BIRC6: variants seen among roughly 807,000 people sequenced by gnomAD.
BIRC6 encodes the protein dual E2 ubiquitin-conjugating enzyme/E3 ubiquitin-protein ligase BIRC6.
BIRC6 carries 98 observed loss-of-function variants against 503.3 expected under a neutral mutation model. The ratio of observed to expected loss-of-function variants is 0.19; its 90% CI spans 0.17 to 0.23. The LOEUF is 0.23. Ranked by LOEUF, BIRC6 falls within the 10% of genes least tolerant of loss-of-function variation. The pLI, the probability that BIRC6 is intolerant of heterozygous loss-of-function variation, is 1.00. For synonymous variants in BIRC6, 2,240 were observed against 2,078.7 expected, an observed-to-expected ratio of 1.08 and a Z score of -2.11; for missense variants, 5,360 against 5,806.0, an observed-to-expected ratio of 0.92 and a Z score of 2.50.
chr2:32,519,997 C>A (rs1163612974), intron 57 of BIRC6, among the ~76,000 whole-genome samples: 2 of 152,086 alleles, frequency 1.3e-5, no homozygotes, highest in Non-Finnish European at 2.9e-5. Context: ...TTGTCAACTT[C>A]TAAAATAAAC....
chr2:32,563,377 C>T (rs953874583), intron 65 of BIRC6: 2 of 151,824 alleles, frequency 1.3e-5, no homozygotes, highest in Admixed American at 6.6e-5. Context: ...AATGGGGGGG[C>T]AGGAGAAAAC....
rs768469197 is a variant in BIRC6 at position 32,468,605 on chromosome 2, A to G, written c.5949A>G (p.Gln1983=). ...AAGATTGTATTCAGCTACAGCTTCA[A>G]CTAAATTTGGCTCATAATGCAGTGC... The part of the protein sequence containing the change: ...AYQDCIQLQL[Q]LNLAHNAVQR... Residue 1983 remains glutamine, a synonymous_variant, in exon 29 of 74, where the codon CAA becomes CAG. Transcript: ENST00000421745. 1.2e-6 allele frequency: 2 copies of G among 1,614,036 alleles called. No homozygotes were observed. The highest frequency in any genetic ancestry group is 8.5e-7 in the Non-Finnish European group (1 of 1,179,884).
At chr2:32,502,651 T>G (rs1478398335) in intron 47 of BIRC6, 144 bp from the exon 48 acceptor site, 5 of 555,706 alleles carry the variant, frequency 9.0e-6, no homozygotes, top group Non-Finnish European at 1.5e-5. Flanking sequence ...AGATTTCTTA[T>G]GTATTTTGGC....
intron 65 of BIRC6, among the ~76,000 whole-genome samples, chr2:32,554,348 G>T (rs960317966): frequency 2.1e-4 from 32 of 152,112 alleles, no homozygotes; most frequent in African/African-American, 7.0e-4. Flanking sequence ...ACAATTCACA[G>T]ATTAGAAAAG....
chr2:32,407,696 T>C (rs544067679), intron 9 of BIRC6, among the ~76,000 whole-genome samples: 1 of 152,264 alleles, frequency 6.6e-6, no homozygotes, highest in South Asian at 2.1e-4. Context: ...TCATCAGATT[T>C]TTTTGAAAGG....
chr2:32,565,033 A>G (rs1373505873), intron 65 of BIRC6: 1 of 152,190 alleles, frequency 6.6e-6, no homozygotes, highest in Non-Finnish European at 1.5e-5. Flanking sequence ...TTTGCTGCAT[A>G]CTGTTAGGAC....
At chr2:32,467,777 A>T in intron 27 of BIRC6, 38 bp downstream of exon 27, 1 of 1,542,274 alleles carries the variant, frequency 6.5e-7, no homozygotes, top group East Asian at 2.3e-5. Flanking sequence ...TACGCTTTCT[A>T]TGTTTCTGAC....
At chr2:32,375,111 G>A (rs1241797886) in intron 1 of BIRC6, among the ~76,000 whole-genome samples, 2 of 152,088 alleles carry the variant, frequency 1.3e-5, no homozygotes, top group Admixed American at 1.3e-4. Flanking sequence ...TTGTAAACTG[G>A]TATTTTAAAA....
intron 60 of BIRC6, among the ~76,000 whole-genome samples, chr2:32,530,364 C>G (rs978894886): frequency 6.6e-6 from 1 of 152,092 alleles, no homozygotes; most frequent in African/African-American, 2.4e-5. Context: ...GCACCCACCA[C>G]CATGCCTGGC....
At chr2:32,580,767 A>T (rs1339339296) in intron 66 of BIRC6, among the ~76,000 whole-genome samples, 2 of 152,100 alleles carry the variant, frequency 1.3e-5, no homozygotes, top group African/African-American at 4.8e-5. Flanking sequence ...TCCCTGTCCT[A>T]CTGTTTTGGG....
chr2:32,363,624 A>T (rs1205348412), intron 1 of BIRC6, among the ~76,000 whole-genome samples: 1 of 151,864 alleles, frequency 6.6e-6, no homozygotes, highest in Non-Finnish European at 1.5e-5. Flanking sequence ...CTTTTTTGAG[A>T]TTATGTGGAG....
intron 72 of BIRC6, among the ~76,000 whole-genome samples, chr2:32,608,270 G>A (rs1164368074): frequency 6.6e-6 from 1 of 151,106 alleles, no homozygotes; most frequent in African/African-American, 2.4e-5. Flanking sequence ...TCCAGCCTAG[G>A]TGACAGAGTC....
chr2:32,367,999 A>G (rs192808813), intron 1 of BIRC6, among the ~76,000 whole-genome samples: 105 of 152,244 alleles, frequency 6.9e-4, no homozygotes, highest in Non-Finnish European at 1.2e-3. Flanking sequence ...AATCTTCATA[A>G]TTTGTTTATG....
At chr2:32,597,152 T>G (rs2061726902) in intron 68 of BIRC6, among the ~76,000 whole-genome samples, 1 of 152,246 alleles carries the variant, frequency 6.6e-6, no homozygotes, top group South Asian at 2.1e-4. Flanking sequence ...CTTTTACAAC[T>G]TGATACTTAC....
chr2:32,503,145 T>G lies in BIRC6; in HGVS notation c.9408T>G (p.Gly3136=). The G allele has an allele frequency of 1.2e-6, 2 of 1,612,566 alleles. No individual in the cohort carries two copies. Among genetic ancestry groups the G allele is most frequent in the Non-Finnish European group, 1.7e-6 (2 of 1,179,252 alleles). ...VSTIMKFLDS[G]PNKAVDSTLK... is the part of the protein sequence containing the mutation. ...CTATTATGAAATTTCTTGACTCTGG[T>G]CCAAATAAAGCTGTTGACAGCACAT... The change falls in exon 49 of 74, where the codon GGT becomes GGG. Residue 3136 remains glycine, a synonymous_variant. Transcript: ENST00000421745.
intron 14 of BIRC6, 79 bp downstream of exon 14, chr2:32,435,664 C>T (rs1451437534): frequency 1.4e-6 from 2 of 1,401,288 alleles, no homozygotes; most frequent in Non-Finnish European, 1.9e-6. Flanking sequence ...GCAAGATTTC[C>T]TTATGGCTTG....
chr2:32,387,362 A>G (rs866189306), intron 3 of BIRC6, among the ~76,000 whole-genome samples: 2 of 117,966 alleles, frequency 1.7e-5, no homozygotes, highest in East Asian at 2.4e-4. Flanking sequence ...TTTTTCCAGT[A>G]TTGTATAGAT....
At chr2:32,547,140 C>G (rs898076411) in intron 63 of BIRC6, among the ~76,000 whole-genome samples, 10 of 152,128 alleles carry the variant, frequency 6.6e-5, no homozygotes, top group Non-Finnish European at 1.5e-4. Context: ...TATAAACATG[C>G]AAAGGGTCAG....
intron 55 of BIRC6, among the ~76,000 whole-genome samples, chr2:32,517,441 G>A (rs1314742645): frequency 1.3e-5 from 2 of 152,186 alleles, no homozygotes; most frequent in African/African-American, 4.8e-5. Flanking sequence ...TGCATTAAAA[G>A]GAAATGCTTA....
Sources: allele counts gnomAD v4.1 joint callset (sites outside exome capture counted in the v4.1 genomes callset), GRCh38; gene constraint gnomAD v4.1.1; transcripts MANE v1.5; gene names NCBI Gene and HGNC (gene_info 2026-07-23, HGNC 2026-07-21).